The following TAFA2 variants were observed in gnomAD, a reference collection of about 807,000 sequenced individuals.
TAFA2 encodes the protein TAFA chemokine like family member 2.
A neutral mutation model predicts 18.8 loss-of-function variants in TAFA2; 7 were observed. The observed-to-expected ratio is 0.37, with a 90% CI of 0.21 to 0.70. TAFA2 has a LOEUF of 0.70. Among genes scored for constraint, TAFA2 ranks in the 30% least tolerant of loss-of-function variants. The pLI is 0.53. For synonymous variants in TAFA2, 60 were observed against 54.2 expected (o/e 1.11, Z -0.47); for missense variants, 122 against 158.1 (o/e 0.77, Z 1.23).
chr12:61,726,160 T>C (rs1412616583), intron 4 of TAFA2, among the ~76,000 whole-genome samples: 3 of 151,812 alleles, frequency 2.0e-5, no homozygotes, highest in South Asian at 2.1e-4. Context: ...TATATACCCA[T>C]TGAATGTTTT....
At chr12:61,871,433 C>G (rs1319376760) in intron 1 of TAFA2, among the ~76,000 whole-genome samples, 2 of 151,894 alleles carry the variant, frequency 1.3e-5, no homozygotes, top group East Asian at 3.9e-4. Context: ...CTGGCTCCAA[C>G]ACAAAAAGAA....
intron 1 of TAFA2, among the ~76,000 whole-genome samples, chr12:62,049,881 A>G (rs781742535): frequency 3.9e-5 from 6 of 152,244 alleles, no homozygotes; most frequent in Non-Finnish European, 7.3e-5. Context: ...AGCAGAATTG[A>G]CGTGATACCA....
At chr12:61,986,943 T>C (rs565326203) in intron 1 of TAFA2, among the ~76,000 whole-genome samples, 1 of 152,360 alleles carries the variant, frequency 6.6e-6, no homozygotes, top group East Asian at 1.9e-4. Context: ...TGCTGCCATC[T>C]GCTAGTTATT....
intron 1 of TAFA2, among the ~76,000 whole-genome samples, chr12:62,116,218 AG>A (rs1869956642): frequency 6.6e-6 from 1 of 152,188 alleles, no homozygotes; most frequent in Non-Finnish European, 1.5e-5. Flanking sequence ...TATCTTTCAC[AG>A]CAGCATACAC....
intron 1 of TAFA2, among the ~76,000 whole-genome samples, chr12:62,077,625 CCT>C (rs1037296752): frequency 2.6e-5 from 4 of 152,136 alleles, no homozygotes; most frequent in Non-Finnish European, 5.9e-5. Context: ...AGACATCAAA[CCT>C]CTTTTCTCCC....
intron 1 of TAFA2, chr12:62,234,512 C>A (rs2062826567): frequency 6.6e-6 from 7 of 1,053,444 alleles, no homozygotes; most frequent in South Asian, 2.5e-5. Flanking sequence ...CTGCACTGAT[C>A]ACATTTATAT....
intron 1 of TAFA2, among the ~76,000 whole-genome samples, chr12:62,207,770 T>G (rs2062698268): frequency 6.6e-6 from 1 of 152,178 alleles, no homozygotes; most frequent in African/African-American, 2.4e-5. Context: ...CAGCTCTTCA[T>G]GATCAACTCA....
At chr12:61,766,468 A>G (rs1014625957) in intron 2 of TAFA2, among the ~76,000 whole-genome samples, 6 of 152,066 alleles carry the variant, frequency 3.9e-5, no homozygotes, top group African/African-American at 1.4e-4. Flanking sequence ...CAAGATTTAG[A>G]GCATCACATC....
chr12:62,178,689 T>C (rs2062531667), intron 1 of TAFA2, among the ~76,000 whole-genome samples: 1 of 152,190 alleles, frequency 6.6e-6, no homozygotes, highest in Admixed American at 6.5e-5. Context: ...GCATGTGGCA[T>C]CCCTAGCACT....
chr12:61,963,762 T>G lies in TAFA2; in HGVS notation c.-1-96336A>C, dbSNP rs183207270. ...TCATATGAAACCAAAAGAGAGCCCCTGTAGCCAAGACAATCCTAACCAAAA... is the reference window on the plus strand; with the variant it reads ...TCATATGAAACCAAAAGAGAGCCCCGGTAGCCAAGACAATCCTAACCAAAA... On this transcript the variant is annotated intron_variant, in intron 1 of 4. Transcript: ENST00000416284. Among the ~76,000 whole-genome samples the G allele has an allele frequency of 4.6e-5, 7 of 152,118 alleles. No individual in the cohort carries two copies. The East Asian group carries it at 1.2e-3, about 25-fold the overall frequency.
At chr12:61,946,330 G>A (rs1346628650) in intron 1 of TAFA2, among the ~76,000 whole-genome samples, 9 of 147,282 alleles carry the variant, frequency 6.1e-5, no homozygotes, top group African/African-American at 1.3e-4. Context: ...AGATTTAAAC[G>A]TTAGACCTAA....
chr12:62,161,594 T>C (rs781416391), intron 1 of TAFA2, among the ~76,000 whole-genome samples: 6 of 152,112 alleles, frequency 3.9e-5, no homozygotes, highest in Non-Finnish European at 8.8e-5. Flanking sequence ...ACTTAATGGG[T>C]GCAGTGTAGG....
chr12:61,734,993 G>A (rs1449300032), intron 4 of TAFA2, among the ~76,000 whole-genome samples: 1 of 152,010 alleles, frequency 6.6e-6, no homozygotes, highest in Non-Finnish European at 1.5e-5. Context: ...GTGGTTGTAA[G>A]AATTAAATGA....
chr12:62,061,888 G>C (rs1169347257), intron 1 of TAFA2, among the ~76,000 whole-genome samples: 1 of 152,156 alleles, frequency 6.6e-6, no homozygotes, highest in African/African-American at 2.4e-5. Flanking sequence ...ATTCTAGTAA[G>C]CATGAGAGTA....
intron 1 of TAFA2, among the ~76,000 whole-genome samples, chr12:61,977,006 T>C (rs11174264): frequency 0.15 from 22,142 of 152,022 alleles, 1,975 homozygotes; most frequent in East Asian, 0.28. Flanking sequence ...GTCTTTGTAG[T>C]AGCATGATTT....
chr12:62,118,108 A>G (rs1423927449), intron 1 of TAFA2, among the ~76,000 whole-genome samples: 1 of 152,122 alleles, frequency 6.6e-6, no homozygotes, highest in African/African-American at 2.4e-5. Context: ...TTCAGATTTG[A>G]GGCAATAACC....
At chr12:62,211,087 C>G (rs893337452) in intron 1 of TAFA2, among the ~76,000 whole-genome samples, 1 of 152,192 alleles carries the variant, frequency 6.6e-6, no homozygotes, top group Non-Finnish European at 1.5e-5. Context: ...TGTTAGAACA[C>G]TGTCATCTGA....
intron 2 of TAFA2, among the ~76,000 whole-genome samples, chr12:61,788,964 G>A (rs911468476): frequency 4.6e-5 from 7 of 151,788 alleles, no homozygotes; most frequent in East Asian, 1.9e-4. Context: ...TTTGAGAAGC[G>A]TTTATCTTCG....
chr12:62,087,741 T>G lies in TAFA2; in HGVS notation c.-2+103518A>C, dbSNP rs193292673. 5.3e-5 allele frequency among the ~76,000 whole-genome samples: 8 copies of G among 152,232 alleles called. No homozygotes were observed. In the East Asian group the frequency reaches 1.5e-3, roughly 29 times the overall value. ...GGAGAATTAAGTGATCTAATTTGTT[T>G]GTAAAAGATCACTTTGGCCACTGTG... On this transcript the variant is annotated intron_variant, in intron 1 of 4. Transcript: ENST00000416284.
Sources: gnomAD v4.1 joint callset for allele counts (sites outside exome capture counted in the v4.1 genomes callset) on GRCh38, gnomAD v4.1.1 for gene constraint, MANE v1.5 for transcripts, NCBI Gene and HGNC (gene_info 2026-07-23, HGNC 2026-07-21) for gene names.